The following RBFOX1 variants were observed in gnomAD, a reference collection of about 807,000 sequenced individuals.
The protein encoded by RBFOX1 is RNA binding fox-1 homolog 1.
In RBFOX1, 8 loss-of-function variants were observed where a neutral mutation model predicts 57.7. That is an observed-to-expected ratio of 0.14 (90% CI 0.08 to 0.25). RBFOX1 has a LOEUF of 0.25. RBFOX1 is among the 10% of genes least tolerant of loss of function. The pLI is 1.00. For synonymous variants in RBFOX1, 326 were observed against 222.4 expected (o/e 1.47, Z -4.15); for missense variants, 611 against 548.5 (o/e 1.11, Z -1.14).
At chr16:6,334,903 G>A (rs971956197) in intron 2 of RBFOX1, among the ~76,000 whole-genome samples, 2 of 152,164 alleles carry the variant, frequency 1.3e-5, no homozygotes, top group African/African-American at 4.8e-5. Flanking sequence ...TCTGGAGACT[G>A]GATCTACTTG....
At chr16:6,701,323 C>T (rs1377669251) in intron 3 of RBFOX1, among the ~76,000 whole-genome samples, 2 of 152,228 alleles carry the variant, frequency 1.3e-5, no homozygotes, top group Non-Finnish European at 2.9e-5. Flanking sequence ...TCACCCCCTG[C>T]AGCTGGGTAC....
chr16:6,142,421 C>T (rs1011859738), intron 1 of RBFOX1, among the ~76,000 whole-genome samples: 2 of 151,846 alleles, frequency 1.3e-5, no homozygotes, highest in Non-Finnish European at 2.9e-5. Context: ...TGGGGTTTCA[C>T]CATGTTAGCC....
At chr16:5,724,984 AC>A (rs1422607118) in intron 3 of RBFOX1, among the ~76,000 whole-genome samples, 1 of 152,122 alleles carries the variant, frequency 6.6e-6, no homozygotes, top group Non-Finnish European at 1.5e-5. Flanking sequence ...CTCTGCTCAA[AC>A]CTTGCCCATT....
chr16:6,144,014 G>C (rs890725939), intron 1 of RBFOX1, among the ~76,000 whole-genome samples: 2 of 149,200 alleles, frequency 1.3e-5, no homozygotes, highest in Non-Finnish European at 3.0e-5. Flanking sequence ...GTCCAGGCTG[G>C]TTTCGAACTC....
intron 3 of RBFOX1, among the ~76,000 whole-genome samples, chr16:6,691,672 A>G (rs1034798851): frequency 3.2e-4 from 49 of 152,178 alleles, no homozygotes; most frequent in African/African-American, 1.2e-3. Flanking sequence ...CAGGTAGGAT[A>G]ATGGTCCTCC....
chr16:5,805,908 G>A (rs981954904), intron 3 of RBFOX1, among the ~76,000 whole-genome samples: 6 of 152,196 alleles, frequency 3.9e-5, no homozygotes, highest in African/African-American at 1.2e-4. Context: ...GAGTGGATAA[G>A]GACAGAGAGT....
At chr16:6,350,864 G>C (rs989650978) in intron 2 of RBFOX1, among the ~76,000 whole-genome samples, 8 of 152,132 alleles carry the variant, frequency 5.3e-5, no homozygotes, top group African/African-American at 1.9e-4. Context: ...TTTGAACCAG[G>C]GTCTGAAAAC....
chr16:5,809,464 A>C (rs1597339285), intron 3 of RBFOX1, among the ~76,000 whole-genome samples: 1 of 152,090 alleles, frequency 6.6e-6, no homozygotes, highest in Non-Finnish European at 1.5e-5. Context: ...AATGAACTCA[A>C]ACAAATTTAC....
intron 4 of RBFOX1, among the ~76,000 whole-genome samples, chr16:5,937,702 AAGT>A (rs2059195417): frequency 6.7e-6 from 1 of 149,624 alleles, no homozygotes; most frequent in African/African-American, 2.4e-5. Context: ...ATTTATATGT[AAGT>A]AGTATAGTTA....
chr16:6,664,871 A>G (rs2098722355), intron 3 of RBFOX1, among the ~76,000 whole-genome samples: 1 of 152,196 alleles, frequency 6.6e-6, no homozygotes, highest in Non-Finnish European at 1.5e-5. Flanking sequence ...CCCCTTCACC[A>G]GCTGGCAGAC....
chr16:6,604,469 T>A (rs1229380217), intron 2 of RBFOX1, among the ~76,000 whole-genome samples: 8 of 152,166 alleles, frequency 5.3e-5, no homozygotes, highest in Non-Finnish European at 1.2e-4. Context: ...TATAAGAAAG[T>A]ATCTGTAATT....
intron 3 of RBFOX1, among the ~76,000 whole-genome samples, chr16:6,693,648 C>G (rs770216838): frequency 6.6e-6 from 1 of 151,116 alleles, no homozygotes; most frequent in Non-Finnish European, 1.5e-5. Flanking sequence ...ATCACCACCA[C>G]AATCATCATC....
chr16:6,012,984 T>C (rs1341691319), intron 4 of RBFOX1, among the ~76,000 whole-genome samples: 1 of 152,202 alleles, frequency 6.6e-6, no homozygotes, highest in Non-Finnish European at 1.5e-5. Context: ...ATAGTTCACA[T>C]ATTTGGAGAT....
intron 2 of RBFOX1, among the ~76,000 whole-genome samples, chr16:5,525,904 C>G (rs72761072): frequency 6.6e-6 from 1 of 152,080 alleles, no homozygotes; most frequent in Non-Finnish European, 1.5e-5. Context: ...ATAAAAACAT[C>G]GAAGGCTAGT....
intron 1 of RBFOX1, among the ~76,000 whole-genome samples, chr16:6,137,266 C>G (rs2096673536): frequency 6.6e-6 from 1 of 152,134 alleles, no homozygotes; most frequent in Admixed American, 6.5e-5. Context: ...AGATGCTGAT[C>G]TAACTTCTTA....
chr16:6,322,189 A>T (rs1040250779), intron 2 of RBFOX1, among the ~76,000 whole-genome samples: 1 of 152,158 alleles, frequency 6.6e-6, no homozygotes, highest in Admixed American at 6.6e-5. Flanking sequence ...GTATCTGGGA[A>T]TTCTTTCTAG....
intron 3 of RBFOX1, among the ~76,000 whole-genome samples, chr16:5,622,627 G>A (rs189537139): frequency 6.9e-4 from 105 of 152,296 alleles, no homozygotes; most frequent in African/African-American, 2.5e-3. Context: ...AATCCGGCCC[G>A]ATGCCTGTGG....
At chr16:5,279,101 G>T (rs748121322) in intron 1 of RBFOX1, among the ~76,000 whole-genome samples, 14 of 151,056 alleles carry the variant, frequency 9.3e-5, no homozygotes, top group Admixed American at 5.3e-4. Flanking sequence ...GAATTTCAGG[G>T]TTTTTTTTTC....
At chr16:7,164,700 T>A (rs532603268) in intron 4 of RBFOX1, among the ~76,000 whole-genome samples, 2 of 152,338 alleles carry the variant, frequency 1.3e-5, no homozygotes, top group Admixed American at 1.3e-4. Context: ...ACATTTCTAT[T>A]CAGTTTTCCC....
Sources: allele counts gnomAD v4.1 joint callset (sites outside exome capture counted in the v4.1 genomes callset), GRCh38; gene constraint gnomAD v4.1.1; transcripts MANE v1.5; gene names NCBI Gene and HGNC (gene_info 2026-07-23, HGNC 2026-07-21).